Variants in ELOVL6 observed in about 807,000 individuals in gnomAD.
ELOVL6 encodes very long chain fatty acid elongase 6.
A neutral mutation model predicts 31.7 loss-of-function variants in ELOVL6; 8 were observed. That is an observed-to-expected ratio of 0.25 (90% CI 0.15 to 0.45). The LOEUF (loss-of-function observed/expected upper bound fraction) is 0.45, where lower values mean the gene tolerates loss of function less well. Ranked by LOEUF, ELOVL6 falls within the 20% of genes least tolerant of loss-of-function variation. ELOVL6 has a pLI of 1.00. For missense variants in ELOVL6, 126 were observed against 326.4 expected (o/e 0.39, Z 4.73); for synonymous variants, 101 against 117.7 (o/e 0.86, Z 0.92).
rs896912298 is a variant in ELOVL6 at position 110,095,745 on chromosome 4, A to G, written c.221+9752T>C. Among the ~76,000 whole-genome samples the G allele has an allele frequency of 3.3e-5, 5 of 152,214 alleles. No homozygotes were observed. The East Asian group carries it at 7.7e-4, about 23-fold the overall frequency. On this transcript the variant is annotated intron_variant, in intron 2 of 3. Coordinates refer to ENST00000302274, the MANE Select transcript of ELOVL6 (RefSeq NM_024090.3). Reference sequence around the variant, plus strand: ...TAGAGGAAACATTTGAAGGACAGCAACTAGTGGTTGCAAAACTGAAGATGT... The same window carrying G: ...TAGAGGAAACATTTGAAGGACAGCAGCTAGTGGTTGCAAAACTGAAGATGT...
At chr4:110,144,746 A>G (rs1578259067) in intron 1 of ELOVL6, among the ~76,000 whole-genome samples, 1 of 152,188 alleles carries the variant, frequency 6.6e-6, no homozygotes, top group African/African-American at 2.4e-5. Context: ...GCAACTCTTT[A>G]AACAGACTCT....
chr4:110,143,296 G>T (rs1578513715), intron 1 of ELOVL6, among the ~76,000 whole-genome samples: 1 of 151,180 alleles, frequency 6.6e-6, no homozygotes, highest in Middle Eastern at 3.4e-3. Context: ...TTTACCATAT[G>T]ATTTTTAACG....
intron 1 of ELOVL6, among the ~76,000 whole-genome samples, chr4:110,158,590 T>C (rs906305182): frequency 4.1e-5 from 6 of 146,060 alleles, no homozygotes; most frequent in African/African-American, 1.5e-4. Flanking sequence ...TATATGTATA[T>C]ATATACACAC....
intron 2 of ELOVL6, among the ~76,000 whole-genome samples, chr4:110,076,876 C>T (rs1297861489): frequency 6.6e-6 from 1 of 152,166 alleles, no homozygotes; most frequent in Non-Finnish European, 1.5e-5. Flanking sequence ...AAAATCGGGT[C>T]ACTCCCACCC....
rs574054502 is a variant in ELOVL6, at chr4:110,078,449, A to G, written c.222-18695T>C. Among the ~76,000 whole-genome samples, 31 of 152,314 alleles carry G rather than the reference A, an allele frequency of 2.0e-4. 1 individual carries two copies. In the South Asian group the frequency reaches 6.2e-3, roughly 31 times the overall value. Reference sequence around the variant, plus strand: ...GGGCCAATATTCAACATTCTTAAAGAAAAGAATTTTCAACCCAGAATTTCA... The same window carrying G: ...GGGCCAATATTCAACATTCTTAAAGGAAAGAATTTTCAACCCAGAATTTCA... On this transcript the variant is annotated intron_variant, in intron 2 of 3. Coordinates refer to ENST00000302274, the MANE Select transcript of ELOVL6 (RefSeq NM_024090.3).
At chr4:110,160,093 C>G (rs1170159992) in intron 1 of ELOVL6, among the ~76,000 whole-genome samples, 1 of 151,740 alleles carries the variant, frequency 6.6e-6, no homozygotes, top group East Asian at 1.9e-4. Flanking sequence ...TTGCTTACAA[C>G]TTACACACAC....
At chr4:110,090,619 T>TTTTTTC (rs1339267305) in intron 2 of ELOVL6, among the ~76,000 whole-genome samples, 1 of 148,650 alleles carries the variant, frequency 6.7e-6, no homozygotes, top group African/African-American at 2.5e-5. Flanking sequence ...TTTTTTTTTT[T>TTTTTTC]TCATGAGACG....
intron 1 of ELOVL6, among the ~76,000 whole-genome samples, chr4:110,171,726 CTG>C (rs367673883): frequency 2.7e-5 from 3 of 111,004 alleles, no homozygotes; most frequent in Middle Eastern, 0.011. Context: ...GGGTCTCTCT[CTG>C]TGTTGTCCAG....
intron 1 of ELOVL6, among the ~76,000 whole-genome samples, chr4:110,166,643 T>C (rs1758787728): frequency 6.6e-6 from 1 of 152,176 alleles, no homozygotes; most frequent in African/African-American, 2.4e-5. Context: ...TTTCCACTTT[T>C]GCCCTTGCTG....
intron 2 of ELOVL6, among the ~76,000 whole-genome samples, chr4:110,091,207 G>C (rs55949732): frequency 0.12 from 18,336 of 152,026 alleles, 1,370 homozygotes; most frequent in East Asian, 0.3. Flanking sequence ...CTATTCTAGA[G>C]GTGTCAATTA....
intron 1 of ELOVL6, among the ~76,000 whole-genome samples, chr4:110,129,202 TTGTTATTGTTTTATATATTTC>T (rs1757596648): frequency 6.6e-6 from 1 of 152,200 alleles, no homozygotes; most frequent in South Asian, 2.1e-4. Flanking sequence ...AATCAAATAA[TTGTTATTGTTTTATATATTTC>T]TGTTATTGTT....
Position 110,134,164 on chromosome 4 carries a change from A to C in ELOVL6, c.90-28536T>G, listed in dbSNP as rs1044604071. Among the ~76,000 whole-genome samples the C allele has an allele frequency of 4.5e-4, 68 of 152,192 alleles. 1 individual carries two copies. Among genetic ancestry groups the C allele is most frequent in the African/African-American group, 1.4e-3 (60 of 41,442 alleles). ...AATAAAACAAAGCAAATGGCCCAGG[A>C]ATGACAAGGCTTCATTAGGTGTGGT... On this transcript the variant is annotated intron_variant, in intron 1 of 3. Transcript: ENST00000302274.
chr4:110,183,491 C>T (rs186188436), intron 1 of ELOVL6, among the ~76,000 whole-genome samples: 1 of 152,174 alleles, frequency 6.6e-6, no homozygotes, highest in Non-Finnish European at 1.5e-5. Context: ...TGAGACTATA[C>T]CTCAGGCCAT....
chr4:110,198,160 C>A, intron 1 of ELOVL6, 87 bp downstream of exon 1: 1 of 839,102 alleles, frequency 1.2e-6, no homozygotes, highest in Middle Eastern at 2.3e-4. Flanking sequence ...GCTCCATTCA[C>A]GCCCAGGCAG....
At chr4:110,106,971 G>A (rs926014369) in intron 1 of ELOVL6, among the ~76,000 whole-genome samples, 5 of 152,160 alleles carry the variant, frequency 3.3e-5, no homozygotes, top group African/African-American at 1.2e-4. Context: ...TCCTGAGAAA[G>A]CAATGTTTCT....
intron 2 of ELOVL6, among the ~76,000 whole-genome samples, chr4:110,084,754 C>T (rs1756199950): frequency 6.6e-6 from 1 of 150,658 alleles, no homozygotes; most frequent in Admixed American, 6.6e-5. Context: ...GCCACCACAC[C>T]TGGCTAATTT....
chr4:110,086,374 A>G (rs1756264307), intron 2 of ELOVL6, among the ~76,000 whole-genome samples: 1 of 152,186 alleles, frequency 6.6e-6, no homozygotes, highest in South Asian at 2.1e-4. Flanking sequence ...ACTATATACA[A>G]TATTAAGGAG....
chr4:110,096,656 T>C (rs1756587757), intron 2 of ELOVL6, among the ~76,000 whole-genome samples: 1 of 152,134 alleles, frequency 6.6e-6, no homozygotes, highest in Non-Finnish European at 1.5e-5. Flanking sequence ...CTGTCTCTGA[T>C]GTCAGGGGGA....
intron 1 of ELOVL6, among the ~76,000 whole-genome samples, chr4:110,192,127 T>G (rs1424039838): frequency 6.7e-6 from 1 of 149,958 alleles, no homozygotes; most frequent in Non-Finnish European, 1.5e-5. Context: ...GAGGCAGAGG[T>G]TGCAGTAAGC....
Sources: gnomAD v4.1 joint callset for allele counts (sites outside exome capture counted in the v4.1 genomes callset) on GRCh38, gnomAD v4.1.1 for gene constraint, MANE v1.5 for transcripts, NCBI Gene and HGNC (gene_info 2026-07-23, HGNC 2026-07-21) for gene names.